SYNPR: variants seen among roughly 807,000 people sequenced by gnomAD.
SYNPR encodes synaptoporin.
A neutral mutation model predicts 32.9 loss-of-function variants in SYNPR; 23 were observed. That is an observed-to-expected ratio of 0.70 (90% CI 0.50 to 0.99). SYNPR has a LOEUF of 0.99. Among genes scored for constraint, SYNPR ranks in the 50% least tolerant of loss-of-function variants. The pLI is 0.00. For missense variants in SYNPR, 318 were observed against 349.3 expected, an observed-to-expected ratio of 0.91 and a Z score of 0.71; for synonymous variants, 146 against 135.9, an observed-to-expected ratio of 1.07 and a Z score of -0.52.
At chr3:63,408,635 A>G (rs2088421267) in intron 2 of SYNPR, among the ~76,000 whole-genome samples, 1 of 152,142 alleles carries the variant, frequency 6.6e-6, no homozygotes, top group Non-Finnish European at 1.5e-5. Flanking sequence ...ATACCCAAGG[A>G]CAAGAGAAGA....
intron 4 of SYNPR, among the ~76,000 whole-genome samples, chr3:63,579,729 T>C (rs775828552): frequency 1.3e-5 from 2 of 151,918 alleles, no homozygotes; most frequent in Non-Finnish European, 2.9e-5. Context: ...CCAGTTCTCA[T>C]TTAAAGTGAA....
At chr3:63,524,756 T>A (rs1220465041) in intron 3 of SYNPR, among the ~76,000 whole-genome samples, 1 of 152,022 alleles carries the variant, frequency 6.6e-6, no homozygotes, top group East Asian at 1.9e-4. Flanking sequence ...ACTATCAATA[T>A]CCAATGCTAT....
At chr3:63,290,940 C>A (rs1238124693) in intron 2 of SYNPR, among the ~76,000 whole-genome samples, 2 of 152,300 alleles carry the variant, frequency 1.3e-5, no homozygotes, top group Non-Finnish European at 2.9e-5. Context: ...TTTTCAGGAT[C>A]TTTCCGGTTG....
At chr3:63,540,930 A>AACACACACAC (rs58295090) in intron 3 of SYNPR, among the ~76,000 whole-genome samples, 76 of 122,844 alleles carry the variant, frequency 6.2e-4, no homozygotes, top group African/African-American at 2.2e-3. Flanking sequence ...TCCCCCCCCC[A>AACACACACAC]ACACACACAC....
intron 2 of SYNPR, among the ~76,000 whole-genome samples, chr3:63,392,077 T>G (rs1265837643): frequency 6.6e-6 from 1 of 152,178 alleles, no homozygotes. Context: ...CTCCACCGCC[T>G]AACTAAAATA....
At chr3:63,551,998 A>G (rs1218567227) in intron 3 of SYNPR, among the ~76,000 whole-genome samples, 2 of 151,894 alleles carry the variant, frequency 1.3e-5, no homozygotes, top group Non-Finnish European at 2.9e-5. Flanking sequence ...CCCGGGTTCA[A>G]GTGATTCTCC....
At chr3:63,226,829 G>A (rs2086131757), upstream of SYNPR, among the ~76,000 whole-genome samples, 1 of 152,024 alleles carries the variant, frequency 6.6e-6, no homozygotes, top group Admixed American at 6.6e-5. Flanking sequence ...AAAAAATACT[G>A]TATACTTCAG....
chr3:63,380,093 G>T (rs146621472), intron 2 of SYNPR, among the ~76,000 whole-genome samples: 26,964 of 152,100 alleles, frequency 0.18, 2,975 homozygotes, highest in Middle Eastern at 0.26. Flanking sequence ...ATCATTGATG[G>T]ACATTTGGGT....
chr3:63,441,695 T>C (rs753183768), intron 2 of SYNPR, among the ~76,000 whole-genome samples: 2 of 151,490 alleles, frequency 1.3e-5, no homozygotes, highest in Non-Finnish European at 2.9e-5. Flanking sequence ...CACAGGGGAG[T>C]GGGGAGGAAA....
the SYNPR span, among the ~76,000 whole-genome samples, chr3:63,216,745 C>T: frequency 8.3e-3 from 392 of 47,000 alleles, 162 homozygotes; most frequent in African/African-American, 0.026. Context: ...TGTTCCGTTG[C>T]TGGTGAGGAA....
chr3:63,383,227 C>T (rs1319318892), intron 2 of SYNPR, among the ~76,000 whole-genome samples: 1 of 152,120 alleles, frequency 6.6e-6, no homozygotes, highest in Non-Finnish European at 1.5e-5. Flanking sequence ...TTCCCAAACA[C>T]GTTCTGAACA....
chr3:63,288,884 G>C (rs1284640838), intron 2 of SYNPR, among the ~76,000 whole-genome samples: 1 of 152,162 alleles, frequency 6.6e-6, no homozygotes, highest in Non-Finnish European at 1.5e-5. Flanking sequence ...AATACCTCTG[G>C]AAAAATGTAG....
chr3:63,308,348 T>C (rs2086928925), intron 2 of SYNPR, among the ~76,000 whole-genome samples: 1 of 150,838 alleles, frequency 6.6e-6, no homozygotes, highest in Non-Finnish European at 1.5e-5. Context: ...CATATTTTAT[T>C]TTTTAACAAC....
At chr3:63,384,984 C>T (rs1400122282) in intron 2 of SYNPR, among the ~76,000 whole-genome samples, 1 of 152,022 alleles carries the variant, frequency 6.6e-6, no homozygotes, top group Non-Finnish European at 1.5e-5. Flanking sequence ...GTGGAAAAAC[C>T]ATGAGATTCC....
chr3:63,453,295 C>T (rs1700416554), intron 2 of SYNPR, among the ~76,000 whole-genome samples: 1 of 152,078 alleles, frequency 6.6e-6, no homozygotes, highest in African/African-American at 2.4e-5. Context: ...TCAGGAACCC[C>T]CCAACAGAAG....
intron 3 of SYNPR, among the ~76,000 whole-genome samples, chr3:63,487,773 G>A (rs1701182891): frequency 6.6e-6 from 1 of 152,206 alleles, no homozygotes; most frequent in Non-Finnish European, 1.5e-5. Context: ...ACAGAATGGA[G>A]AACTCTTAGT....
chr3:63,376,328 C>T (rs887630087), intron 2 of SYNPR, among the ~76,000 whole-genome samples: 1 of 151,924 alleles, frequency 6.6e-6, no homozygotes, highest in African/African-American at 2.4e-5. Flanking sequence ...CATTAGTTAA[C>T]GTAAGTTATA....
intron 2 of SYNPR, among the ~76,000 whole-genome samples, chr3:63,434,492 C>T (rs972661502): frequency 6.6e-6 from 1 of 151,842 alleles, no homozygotes; most frequent in Non-Finnish European, 1.5e-5. Context: ...AAATGATCAG[C>T]GAAAAAGTCA....
intron 4 of SYNPR, among the ~76,000 whole-genome samples, chr3:63,608,466 C>A (rs1020393884): frequency 6.6e-6 from 1 of 152,200 alleles, no homozygotes; most frequent in Non-Finnish European, 1.5e-5. Flanking sequence ...TACAAAACCT[C>A]TCACCCATAG....
Sources: gnomAD v4.1 joint callset for allele counts (sites outside exome capture counted in the v4.1 genomes callset) on GRCh38, gnomAD v4.1.1 for gene constraint, MANE v1.5 for transcripts, NCBI Gene and HGNC (gene_info 2026-07-23, HGNC 2026-07-21) for gene names.